SPDYA: variants seen among roughly 807,000 people sequenced by gnomAD.
SPDYA encodes speedy/RINGO cell cycle regulator family member A.
Under a neutral mutation model 36.7 loss-of-function variants are expected in SPDYA, and 11 were observed. The ratio of observed to expected loss-of-function variants is 0.30; its 90% confidence interval spans 0.19 to 0.50. The LOEUF is 0.50. Ranked by LOEUF, SPDYA falls within the 20% of genes least tolerant of loss-of-function variation. The pLI, the probability that SPDYA is intolerant of heterozygous loss-of-function variation, is 0.98. For missense variants in SPDYA, 287 were observed against 370.9 expected (o/e 0.77, Z 1.86); for synonymous variants, 115 against 118.7 (o/e 0.97, Z 0.20).
chr2:28,835,243 T>TA (rs1407472351), intron 6 of SPDYA, among the ~76,000 whole-genome samples: 9 of 150,686 alleles, frequency 6.0e-5, no homozygotes, highest in African/African-American at 1.9e-4. Context: ...TTTTTTTTTT[T>TA]AAGACAGAGT....
intron 4 of SPDYA, among the ~76,000 whole-genome samples, chr2:28,821,331 C>G (rs1223645379): frequency 1.3e-5 from 2 of 151,254 alleles, no homozygotes; most frequent in Admixed American, 1.3e-4. Flanking sequence ...TCCCAAATGT[C>G]TGGGATTACA....
At chr2:28,814,250 A>G (rs1667928394) in intron 1 of SPDYA, among the ~76,000 whole-genome samples, 1 of 152,212 alleles carries the variant, frequency 6.6e-6, no homozygotes, top group South Asian at 2.1e-4. Context: ...AAATTACTTC[A>G]TTTTTAAAAA....
chr2:28,834,129 C>T (rs1668536146), intron 6 of SPDYA, among the ~76,000 whole-genome samples: 1 of 149,918 alleles, frequency 6.7e-6, no homozygotes, highest in Non-Finnish European at 1.5e-5. Flanking sequence ...AAAAGATGTT[C>T]AACATCATTA....
chr2:28,816,988 G>T (rs1667999668), intron 3 of SPDYA, among the ~76,000 whole-genome samples: 2 of 150,702 alleles, frequency 1.3e-5, no homozygotes, highest in African/African-American at 5.0e-5. Context: ...GTAGATTGTA[G>T]CTTGCTTGTT....
chr2:28,818,002 A>C (rs1227079212), intron 3 of SPDYA, among the ~76,000 whole-genome samples: 1 of 103,678 alleles, frequency 9.6e-6, no homozygotes, highest in African/African-American at 3.3e-5. Context: ...TCTCTACAAT[A>C]CAAAAAAAAA....
chr2:28,839,429 A>G (rs1222839784), intron 6 of SPDYA, among the ~76,000 whole-genome samples: 4 of 152,186 alleles, frequency 2.6e-5, no homozygotes, highest in Non-Finnish European at 5.9e-5. Flanking sequence ...CTTATTCACC[A>G]TATCTCTTGT....
rs375216465 is a variant in SPDYA at position 28,814,896 on chromosome 2, CTG to C, written c.-19+212_-19+213del. ...ATATTGTTAAATATTGATAGATTAA[CTG>C]TCTCAGATTTTATTAGATTATGACA... is the stretch of plus-strand genomic sequence containing the variant. On this transcript the variant is annotated intron_variant, in intron 2 of 7. Coordinates refer to ENST00000334056, the MANE Select transcript of SPDYA (RefSeq NM_182756.4). 8.0e-4 allele frequency among the ~76,000 whole-genome samples: 122 copies of C among 152,284 alleles called. 1 individual carries two copies. Among genetic ancestry groups the C allele is most frequent in the African/African-American group, 2.7e-3 (112 of 41,544 alleles).
At chr2:28,823,702 AATATAT>A (rs1160889916) in intron 5 of SPDYA, among the ~76,000 whole-genome samples, 4,270 of 49,070 alleles carry the variant, frequency 0.087, 192 homozygotes, top group African/African-American at 0.11. Context: ...GGAATGCATG[AATATAT>A]ATATATATAT....
Position 28,850,224 on chromosome 2 carries a change from C to T in SPDYA, c.*283C>T, listed in dbSNP as rs771102214. On this transcript the variant is annotated 3_prime_UTR_variant, in exon 8 of 8. Transcript: ENST00000334056. ...TCAGTTAAGTTGTGGTTTGACCTTC[C>T]TCAACTTGACAAGAAAAGCTAATTT... 6.2e-7 allele frequency: 1 copy of T among 1,611,378 alleles called. No homozygotes were observed. Among genetic ancestry groups the T allele is most frequent in the South Asian group, 1.1e-5 (1 of 90,590 alleles).
rs1188425159 is a variant in SPDYA, at chr2:28,816,183, A to G, written c.169A>G (p.Lys57Glu). The change falls in exon 3 of 8, where the codon AAA (lysine) becomes GAA (glutamate). Residue 57 changes from lysine (K) to glutamate (E), a missense_variant. Physicochemically the swap from Lys to Glu is moderately conservative, Grantham distance 56 (BLOSUM62 1). Coordinates refer to ENST00000334056, the MANE Select transcript of SPDYA (RefSeq NM_182756.4). ...AAATACACATAATAACAACAAATCT[A>G]AACGCCCCAAAGGACCTTGTCTGGT... ...EKNTHNNNKS[K>E]RPKGPCLVIQ... The G allele has an allele frequency of 1.2e-6, 2 of 1,614,084 alleles. No individual in the cohort carries two copies. The highest frequency in any genetic ancestry group is 1.7e-6 in the Non-Finnish European group (2 of 1,179,976).
At chr2:28,844,825 C>A (rs773140256) in intron 7 of SPDYA, among the ~76,000 whole-genome samples, 1 of 151,844 alleles carries the variant, frequency 6.6e-6, no homozygotes, top group East Asian at 1.9e-4. Flanking sequence ...CCCAGCTACT[C>A]GGGAGGCTGA....
intron 7 of SPDYA, chr2:28,842,168 C>A (rs996485756): frequency 6.6e-6 from 1 of 152,090 alleles, no homozygotes; most frequent in Non-Finnish European, 1.5e-5. Flanking sequence ...GGTCTACTGC[C>A]CTTTTGATGC....
At chr2:28,818,003 CAA>C (rs61620093) in intron 3 of SPDYA, among the ~76,000 whole-genome samples, 1 of 144,466 alleles carries the variant, frequency 6.9e-6, no homozygotes. Context: ...CTCTACAATA[CAA>C]AAAAAAAAAA....
chr2:28,828,727 A>T (rs1668398652), intron 5 of SPDYA, among the ~76,000 whole-genome samples: 1 of 152,232 alleles, frequency 6.6e-6, no homozygotes, highest in Admixed American at 6.5e-5. Context: ...TAACATTCAC[A>T]TACGGCTGCA....
intron 5 of SPDYA, among the ~76,000 whole-genome samples, chr2:28,823,702 A>AATATATAT (rs1160889916): frequency 0.02 from 990 of 49,068 alleles, 7 homozygotes; most frequent in Non-Finnish European, 0.025. Context: ...GGAATGCATG[A>AATATATAT]ATATATATAT....
chr2:28,840,821 C>T, intron 7 of SPDYA: 2 of 961,336 alleles, frequency 2.1e-6, no homozygotes, highest in Non-Finnish European at 2.5e-6. Flanking sequence ...TATTGGTTTC[C>T]TTCTGTATAC....
intron 7 of SPDYA, among the ~76,000 whole-genome samples, chr2:28,849,511 C>T (rs890613329): frequency 2.6e-5 from 4 of 152,212 alleles, no homozygotes; most frequent in Non-Finnish European, 5.9e-5. Flanking sequence ...AGACTAGTCT[C>T]GAACTCCTGA....
intron 7 of SPDYA, chr2:28,840,754 T>A: frequency 3.6e-6 from 4 of 1,100,512 alleles, no homozygotes; most frequent in Non-Finnish European, 4.4e-6. Context: ...AAATGTTTAT[T>A]TTATTCAAAA....
intron 5 of SPDYA, among the ~76,000 whole-genome samples, chr2:28,825,326 C>A (rs1055767708): frequency 1.3e-5 from 2 of 151,670 alleles, no homozygotes; most frequent in African/African-American, 4.8e-5. Context: ...ATTCGTTTAA[C>A]TTGTTTTATA....
Sources: allele counts gnomAD v4.1 joint callset (sites outside exome capture counted in the v4.1 genomes callset), GRCh38; gene constraint gnomAD v4.1.1; transcripts MANE v1.5; gene names NCBI Gene and HGNC (gene_info 2026-07-23, HGNC 2026-07-21).